PATJ: variants seen among roughly 807,000 people sequenced by gnomAD.
The protein encoded by PATJ is inaD-like protein.
Under a neutral mutation model 224.9 loss-of-function variants are expected in PATJ, and 190 were observed. That is an observed-to-expected ratio of 0.84 (90% CI 0.75 to 0.95). The LOEUF (loss-of-function observed/expected upper bound fraction) is 0.95. Ranked by LOEUF, PATJ falls within the 40% of genes least tolerant of loss-of-function variation. The pLI is 0.00. For synonymous variants in PATJ, 769 were observed against 820.3 expected, an observed-to-expected ratio of 0.94 and a Z score of 1.07; for missense variants, 2,121 against 2,270.3, an observed-to-expected ratio of 0.93 and a Z score of 1.34.
chr1:61,839,973 C>G (rs1422067113), intron 17 of PATJ, among the ~76,000 whole-genome samples: 1 of 151,856 alleles, frequency 6.6e-6, no homozygotes, highest in Admixed American at 6.6e-5. Context: ...TTGCTCGAAA[C>G]CAAAGTCAAA....
Position 61,791,458 on chromosome 1 carries a change from C to G in PATJ, c.1168+11C>G. The stretch of plus-strand genomic sequence containing the variant: ...GAACATCTCATACAGGTAAATGAAT[C>G]ATTTCTATTTTATATTTGGAAATTG... On this transcript the variant is annotated intron_variant, in intron 9 of 43. Coordinates refer to ENST00000642238, the MANE Select transcript of PATJ (RefSeq NM_001350145.3). 6.8e-7 allele frequency: 1 copy of G among 1,468,316 alleles called. No homozygotes were observed. The allele number at this position is 1,468,316 out of a possible 1,614,324, so 91.0% of individuals were successfully genotyped here. A position where few individuals can be genotyped will look rare whatever the true frequency, so the allele number is the denominator to read the frequency against.
At chr1:62,008,891 A>G (rs982131592) in intron 28 of PATJ, among the ~76,000 whole-genome samples, 2 of 152,196 alleles carry the variant, frequency 1.3e-5, no homozygotes, top group African/African-American at 4.8e-5. Flanking sequence ...ATTTGGGTAA[A>G]TTGGGAAGCA....
intron 26 of PATJ, among the ~76,000 whole-genome samples, chr1:61,926,355 G>C (rs993674523): frequency 6.6e-6 from 1 of 152,266 alleles, no homozygotes; most frequent in South Asian, 2.1e-4. Context: ...ATCAGTAGAA[G>C]CTAAATAAAT....
chr1:61,995,845 CAT>C lies in PATJ; in HGVS notation c.3867+5484_3867+5485del, dbSNP rs1645320246. ...TGCACAGGCCTGAGCATGGGGCTGTCATATGAATACAGGATTCATTTATAATC... is the reference window on the plus strand; with the variant it reads ...TGCACAGGCCTGAGCATGGGGCTGTCATGAATACAGGATTCATTTATAATC... On this transcript the variant is annotated intron_variant, in intron 28 of 43. Transcript: ENST00000642238. 2.6e-5 allele frequency among the ~76,000 whole-genome samples: 4 copies of C among 152,308 alleles called. No individual in the cohort carries two copies. The South Asian group carries it at 8.3e-4, about 32-fold the overall frequency.
At chr1:62,076,831 G>A (rs1277913158) in intron 31 of PATJ, among the ~76,000 whole-genome samples, 2 of 152,162 alleles carry the variant, frequency 1.3e-5, no homozygotes, top group African/African-American at 2.4e-5. Context: ...GGGAATCCAT[G>A]TTCTTTCTTG....
intron 27 of PATJ, among the ~76,000 whole-genome samples, chr1:61,988,023 AC>A (rs1177160598): frequency 6.6e-6 from 1 of 152,120 alleles, no homozygotes; most frequent in East Asian, 1.9e-4. Context: ...GCATGGCGAA[AC>A]CCTGTCTCTA....
At chr1:61,873,259 C>T (rs1666886321) in intron 20 of PATJ, among the ~76,000 whole-genome samples, 1 of 152,078 alleles carries the variant, frequency 6.6e-6, no homozygotes, top group Non-Finnish European at 1.5e-5. Context: ...CCTCACCCTC[C>T]CAGGCTCAGG....
chr1:61,890,524 T>C (rs1272648087), intron 22 of PATJ, among the ~76,000 whole-genome samples: 1 of 152,060 alleles, frequency 6.6e-6, no homozygotes, highest in Non-Finnish European at 1.5e-5. Context: ...TGAGACAAGT[T>C]CTTGCTTTGT....
At chr1:61,902,544 C>T (rs955821401) in intron 24 of PATJ, among the ~76,000 whole-genome samples, 3 of 152,068 alleles carry the variant, frequency 2.0e-5, no homozygotes, top group Non-Finnish European at 4.4e-5. Flanking sequence ...AAATCGATAG[C>T]ATTATTGTGA....
intron 14 of PATJ, among the ~76,000 whole-genome samples, chr1:61,812,407 TGAGAGAGAGA>T (rs769833245): frequency 1.5e-4 from 12 of 79,716 alleles, no homozygotes; most frequent in African/African-American, 5.3e-4. Flanking sequence ...TGTGAGTGAC[TGAGAGAGAGA>T]GAGAGAGAGA....
chr1:61,760,005 A>G (rs930982126), intron 1 of PATJ, among the ~76,000 whole-genome samples: 3 of 152,198 alleles, frequency 2.0e-5, no homozygotes, highest in African/African-American at 4.8e-5. Context: ...TTTAGTTTGC[A>G]TTCTTCGATT....
At chr1:62,056,077 C>T (rs776504613) in intron 31 of PATJ, among the ~76,000 whole-genome samples, 20 of 152,126 alleles carry the variant, frequency 1.3e-4, no homozygotes, top group East Asian at 1.9e-4. Context: ...CCTGGCCCTC[C>T]GCCAATTGGA....
chr1:62,128,063 G>A lies in PATJ; in HGVS notation c.5135G>A (p.Ser1712Asn). The stretch of plus-strand genomic sequence containing the variant: ...GTATTTATTGCCATGATTCAGGCTA[G>A]CGGAGTGGCCGCACGGACACAGAAG... ...IPVFIAMIQASGVAARTQKLK... is the reference protein window; with the variant it reads ...IPVFIAMIQANGVAARTQKLK... The change falls in exon 40 of 44, where the codon AGC becomes AAC. Residue 1712 changes from serine (S) to asparagine (N), a missense_variant. Transcript: ENST00000642238. 2 of 1,614,164 alleles carry A rather than the reference G, an allele frequency of 1.2e-6. No homozygotes were observed. Among genetic ancestry groups the A allele is most frequent in the Non-Finnish European group, 1.7e-6 (2 of 1,180,008 alleles).
rs140461579 is a variant in PATJ at position 62,106,115 on chromosome 1, C to CACACACACACACAT, written c.4378-2317_4378-2316insCACACACATACACA. Among the ~76,000 whole-genome samples the CACACACACACACAT allele has an allele frequency of 3.0e-4, 14 of 46,474 alleles. 2 individuals are homozygous for CACACACACACACAT. The highest frequency in any genetic ancestry group is 8.1e-4 in the East Asian group (2 of 2,482). The allele number at this position is 46,474 out of a possible 152,430, so 30.5% of individuals were successfully genotyped here. ...ACACACACACACACACACACACACA[C>CACACACACACACAT]ACACAAACACACATATATACATGTG... On this transcript the variant is annotated intron_variant, in intron 33 of 43. Transcript: ENST00000642238.
At chr1:62,155,095 G>A (rs1472152699) in intron 43 of PATJ, among the ~76,000 whole-genome samples, 1 of 152,114 alleles carries the variant, frequency 6.6e-6, no homozygotes, top group Admixed American at 6.6e-5. Flanking sequence ...TCTTTGGAGG[G>A]CATTATTATA....
At chr1:61,850,196 C>T (rs1201978198) in intron 17 of PATJ, among the ~76,000 whole-genome samples, 7 of 152,210 alleles carry the variant, frequency 4.6e-5, no homozygotes, top group African/African-American at 1.7e-4. Flanking sequence ...TGAACCACCT[C>T]TCCGCTCTAG....
At position 62,034,678 on chromosome 1, in the gene PATJ, T is replaced by C. The variant is rs185708896; in HGVS notation, c.3960-3299T>C. On this transcript the variant is annotated intron_variant, in intron 29 of 43. Transcript: ENST00000642238. ...AGGGATGTGACCACTAACCATTAAG[T>C]AGATGATAAAGGATTATGAACTGTA... Among the ~76,000 whole-genome samples the C allele has an allele frequency of 1.2e-3, 179 of 152,254 alleles. 1 individual carries two copies. The highest frequency in any genetic ancestry group is 1.9e-3 in the South Asian group (9 of 4,820).
At chr1:61,824,235 T>G (rs1363590853) in intron 15 of PATJ, among the ~76,000 whole-genome samples, 3 of 6,954 alleles carry the variant, frequency 4.3e-4, no homozygotes, top group Non-Finnish European at 3.3e-3. Context: ...TTAATTCACT[T>G]TTTTTTTTTT....
intron 6 of PATJ, among the ~76,000 whole-genome samples, chr1:61,771,889 C>T (rs1646633988): frequency 6.6e-6 from 1 of 151,670 alleles, no homozygotes; most frequent in South Asian, 2.1e-4. Context: ...TTGGCTATTT[C>T]TTTTGTATTT....
Sources: gnomAD v4.1 joint callset for allele counts (sites outside exome capture counted in the v4.1 genomes callset) on GRCh38, gnomAD v4.1.1 for gene constraint, MANE v1.5 for transcripts, NCBI Gene and HGNC (gene_info 2026-07-23, HGNC 2026-07-21) for gene names.